PSME3IP1: variants seen among roughly 807,000 people sequenced by gnomAD.
PSME3IP1 encodes PSME3-interacting protein.
Under a neutral mutation model 34.1 loss-of-function variants are expected in PSME3IP1, and 13 were observed. The observed-to-expected ratio is 0.38, with a 90% CI of 0.25 to 0.61. PSME3IP1 has a LOEUF of 0.61. Ranked by LOEUF, PSME3IP1 falls within the 20% of genes least tolerant of loss-of-function variation. PSME3IP1 has a pLI of 0.60. For synonymous variants in PSME3IP1, 93 were observed against 114.3 expected, an observed-to-expected ratio of 0.81 and a Z score of 1.19; for missense variants, 237 against 301.4, an observed-to-expected ratio of 0.79 and a Z score of 1.58.
chr16:57,163,113 T>G (rs1181706263), intron 6 of PSME3IP1, among the ~76,000 whole-genome samples: 2 of 151,832 alleles, frequency 1.3e-5, no homozygotes, highest in African/African-American at 4.8e-5. Flanking sequence ...TGCAGTGAGC[T>G]GAGATTGAGC....
chr16:57,154,104 G>A lies in PSME3IP1; in HGVS notation c.*186C>T, dbSNP rs1470774555. On this transcript the variant is annotated 3_prime_UTR_variant, in exon 7 of 7. Coordinates refer to ENST00000309137, the MANE Select transcript of PSME3IP1 (RefSeq NM_024946.4). This position sits in a 1 kb window ranked among gnomAD's most constrained non-coding sequence, Gnocchi z 4.0. ...GGTCATCTGCAGTGGAGTAGAAAGA[G>A]GAACCAAACACGATTCGGGCCACAG... is the stretch of plus-strand genomic sequence containing the variant. 6.8e-6 allele frequency: 4 copies of A among 592,102 alleles called. No homozygotes were observed. The Admixed American group carries it at 1.2e-4, about 18-fold the overall frequency. 36.7% of individuals were successfully genotyped at this position (592,102 alleles called of 1,614,324 possible).
intron 2 of PSME3IP1, 133 bp from the exon 3 acceptor site, chr16:57,173,007 T>C (rs1459285977): frequency 1.6e-6 from 1 of 637,088 alleles, no homozygotes; most frequent in African/African-American, 1.8e-5. Flanking sequence ...AGGGTGTGGA[T>C]AACACAAAAA....
At chr16:57,155,130 T>C (rs2070366942) in intron 6 of PSME3IP1, among the ~76,000 whole-genome samples, 1 of 152,230 alleles carries the variant, frequency 6.6e-6, no homozygotes, top group Non-Finnish European at 1.5e-5. Flanking sequence ...TTTTCCCAAG[T>C]GGGAGAGAGG....
intron 1 of PSME3IP1, among the ~76,000 whole-genome samples, chr16:57,185,037 A>G (rs973471335): frequency 6.6e-6 from 1 of 152,176 alleles, no homozygotes; most frequent in Non-Finnish European, 1.5e-5. Context: ...GAATCGACAA[A>G]TCTTATGTCA....
intron 1 of PSME3IP1, chr16:57,178,876 C>G (rs765983065): frequency 2.3e-6 from 2 of 860,466 alleles, no homozygotes; most frequent in Non-Finnish European, 2.8e-6. Flanking sequence ...GTGATAAGTA[C>G]CTGTAACTTA....
At chr16:57,168,086 G>A (rs772309892) in intron 4 of PSME3IP1, among the ~76,000 whole-genome samples, 2 of 151,976 alleles carry the variant, frequency 1.3e-5, no homozygotes, top group Non-Finnish European at 2.9e-5. Context: ...TTCTCCCTCC[G>A]TTTTATGCTC....
intron 1 of PSME3IP1, chr16:57,174,157 G>A (rs533343858): frequency 5.1e-5 from 14 of 272,144 alleles, no homozygotes; most frequent in African/African-American, 2.0e-4. Flanking sequence ...AGCCAGGCAC[G>A]GTGGCACGCA....
chr16:57,159,661 G>A (rs1163359445), intron 6 of PSME3IP1, among the ~76,000 whole-genome samples: 1 of 152,148 alleles, frequency 6.6e-6, no homozygotes, highest in Non-Finnish European at 1.5e-5. Context: ...CTTCCTGCCT[G>A]GTTTCTGTTG....
rs550856925 is a variant in PSME3IP1 at position 57,175,101 on chromosome 16, G to A, written c.-15-1232C>T. Among the ~76,000 whole-genome samples the A allele has an allele frequency of 3.4e-5, 5 of 148,892 alleles. No individual in the cohort carries two copies. In the Admixed American group the frequency reaches 3.4e-4, roughly 10 times the overall value. On this transcript the variant is annotated intron_variant, in intron 1 of 6. Coordinates refer to ENST00000309137, the MANE Select transcript of PSME3IP1 (RefSeq NM_024946.4). Reference sequence around the variant, plus strand: ...GCAATCTCAGCTCACTGCAACCTCCGCCTCCCAGGTTCAAGCGATTCTCCT... The same window carrying A: ...GCAATCTCAGCTCACTGCAACCTCCACCTCCCAGGTTCAAGCGATTCTCCT...
intron 1 of PSME3IP1, among the ~76,000 whole-genome samples, chr16:57,183,330 G>A (rs1455639953): frequency 6.6e-6 from 1 of 151,938 alleles, no homozygotes. Flanking sequence ...CTGGAAATTT[G>A]TCAAAAATAA....
chr16:57,155,815 C>CA (rs111780054), intron 6 of PSME3IP1, among the ~76,000 whole-genome samples: 1 of 150,044 alleles, frequency 6.7e-6, no homozygotes, highest in African/African-American at 2.5e-5. Flanking sequence ...CAAAAAAAAA[C>CA]AAAAAAACTA....
intron 6 of PSME3IP1, among the ~76,000 whole-genome samples, chr16:57,163,547 A>G (rs1360600522): frequency 6.6e-6 from 1 of 152,218 alleles, no homozygotes; most frequent in Non-Finnish European, 1.5e-5. Context: ...ATCACATAAA[A>G]GTAAAAACCA....
chr16:57,173,890 C>T, intron 1 of PSME3IP1, 21 bp from the exon 2 acceptor site: 2 of 1,588,090 alleles, frequency 1.3e-6, no homozygotes, highest in South Asian at 1.1e-5. Flanking sequence ...AAAACAAAAA[C>T]AAAAAAAATC....
rs755127738 is a variant in PSME3IP1 at position 57,172,753 on chromosome 16, ACTCT to A, written c.226+19_226+22del. ...AAAAGTACCCCACAGAGCCCCTTGA[ACTCT>A]CTGTTTTCTGAAGCTTACTGAATTT... On this transcript the variant is annotated intron_variant, in intron 3 of 6. Coordinates refer to ENST00000309137, the MANE Select transcript of PSME3IP1 (RefSeq NM_024946.4). 3.6e-5 allele frequency: 55 copies of A among 1,544,190 alleles called. 1 individual carries two copies. In the East Asian group the frequency reaches 1.1e-3, roughly 32 times the overall value.
intron 6 of PSME3IP1, among the ~76,000 whole-genome samples, chr16:57,158,301 A>C (rs1193933317): frequency 6.6e-6 from 1 of 152,240 alleles, no homozygotes; most frequent in Non-Finnish European, 1.5e-5. Flanking sequence ...TAAAAAAAAC[A>C]AACCAGCCAG....
At chr16:57,181,180 C>T (rs770713166) in intron 1 of PSME3IP1, among the ~76,000 whole-genome samples, 1 of 152,154 alleles carries the variant, frequency 6.6e-6, no homozygotes, top group African/African-American at 2.4e-5. Flanking sequence ...ATTTAAATAT[C>T]GGTTCCCTTA....
intron 1 of PSME3IP1, chr16:57,174,111 T>C (rs2072934905): frequency 2.7e-5 from 10 of 365,874 alleles, no homozygotes; most frequent in South Asian, 2.5e-4. Flanking sequence ...CTGACTGACA[T>C]GGTGAAACCC....
chr16:57,170,268 A>G (rs766878363), intron 4 of PSME3IP1, among the ~76,000 whole-genome samples: 3 of 152,110 alleles, frequency 2.0e-5, no homozygotes, highest in Non-Finnish European at 4.4e-5. Flanking sequence ...TTTTTAGCAG[A>G]GACAGGGTTT....
intron 1 of PSME3IP1, chr16:57,174,781 T>C (rs2073017813): frequency 1.6e-5 from 11 of 679,032 alleles, no homozygotes; most frequent in Non-Finnish European, 2.0e-5. Flanking sequence ...CTTTCCTGAA[T>C]ACTAATCTGA....
Sources: gnomAD v4.1 joint callset for allele counts (sites outside exome capture counted in the v4.1 genomes callset) on GRCh38, gnomAD v4.1.1 for gene constraint, Gnocchi (gnomAD v3.1) non-coding constraint, MANE v1.5 for transcripts, NCBI Gene and HGNC (gene_info 2026-07-23, HGNC 2026-07-21) for gene names.